The following HAPSTR1 variants were observed in gnomAD, a reference collection of about 807,000 sequenced individuals.
The protein encoded by HAPSTR1 is HUWE1-associated protein modifying stress responses 1.
chr16:9,095,223 T>C, the HAPSTR1 span, among the ~76,000 whole-genome samples: 1 of 152,210 alleles, frequency 6.6e-6, no homozygotes, highest in Non-Finnish European at 1.5e-5. Context: ...TTTTCTTATT[T>C]GATTCAAGGA....
At chr16:9,096,762 C>T in the HAPSTR1 span, among the ~76,000 whole-genome samples, 2 of 152,112 alleles carry the variant, frequency 1.3e-5, no homozygotes, top group African/African-American at 4.8e-5. Context: ...ACTTTTCATG[C>T]CTGTAATCCC....
chr16:9,101,742 A>ATT, the HAPSTR1 span, among the ~76,000 whole-genome samples: 3 of 140,220 alleles, frequency 2.1e-5, no homozygotes, highest in East Asian at 2.1e-4. Flanking sequence ...TGTCTGGATG[A>ATT]TTTTTTTTTT....
At chr16:9,099,063 A>C in the HAPSTR1 span, among the ~76,000 whole-genome samples, 1 of 151,832 alleles carries the variant, frequency 6.6e-6, no homozygotes, top group Non-Finnish European at 1.5e-5. Context: ...CCCCCACCCC[A>C]GCCCGTTGTG....
At chr16:9,093,838 GTTGA>G in the HAPSTR1 span, among the ~76,000 whole-genome samples, 1 of 151,524 alleles carries the variant, frequency 6.6e-6, no homozygotes, top group African/African-American at 2.4e-5. Flanking sequence ...GAAATTTGGG[GTTGA>G]TTTTTTTTTT....
chr16:9,109,808 G>A, the HAPSTR1 span: 1 of 151,858 alleles, frequency 6.6e-6, no homozygotes, highest in African/African-American at 2.4e-5. Context: ...TTTTTAAGCA[G>A]TACTTTGTGA....
the HAPSTR1 span, chr16:9,110,439 C>G: frequency 6.6e-6 from 1 of 152,102 alleles, no homozygotes; most frequent in Non-Finnish European, 1.5e-5. Context: ...CAGCCTAAAC[C>G]AGTAAGATTT....
chr16:9,116,977 A>C, the HAPSTR1 span: 6 of 1,582,504 alleles, frequency 3.8e-6, no homozygotes, highest in Non-Finnish European at 4.3e-6. Flanking sequence ...ATATACTATA[A>C]TTGCAAAGGA....
chr16:9,091,739 T>C, the HAPSTR1 span: 1 of 368,324 alleles, frequency 2.7e-6, no homozygotes, highest in Non-Finnish European at 4.7e-6. Flanking sequence ...CGCAGCGCCA[T>C]GGGGGGGCGT....
the HAPSTR1 span, chr16:9,108,657 G>A: frequency 6.6e-6 from 1 of 152,142 alleles, no homozygotes; most frequent in African/African-American, 2.4e-5. Context: ...CTCTTTCTGA[G>A]GTTTTCCCCA....
At chr16:9,121,415 C>T in the HAPSTR1 span, 2 of 152,158 alleles carry the variant, frequency 1.3e-5, no homozygotes, top group Non-Finnish European at 2.9e-5. Context: ...ACATCGTAGC[C>T]AGTGTTGGGT....
the HAPSTR1 span, chr16:9,117,638 T>C: frequency 6.6e-6 from 1 of 152,640 alleles, no homozygotes; most frequent in Non-Finnish European, 1.5e-5. Flanking sequence ...AAGTACTCAG[T>C]TTTAAGACAA....
chr16:9,102,390 A>C, the HAPSTR1 span, among the ~76,000 whole-genome samples: 1 of 152,230 alleles, frequency 6.6e-6, no homozygotes, highest in African/African-American at 2.4e-5. Context: ...AGTCTAGGAG[A>C]TCTGTTGGGA....
the HAPSTR1 span, among the ~76,000 whole-genome samples, chr16:9,096,329 A>G: frequency 6.6e-6 from 1 of 151,936 alleles, no homozygotes; most frequent in East Asian, 1.9e-4. Flanking sequence ...ATAATAGTTT[A>G]TTTTCTGTCT....
the HAPSTR1 span, chr16:9,105,286 A>G: frequency 6.6e-6 from 1 of 152,248 alleles, no homozygotes; most frequent in Non-Finnish European, 1.5e-5. Flanking sequence ...TACCTTCAAT[A>G]AATTTATAAT....
the HAPSTR1 span, chr16:9,092,769 G>A: frequency 2.9e-5 from 24 of 819,636 alleles, no homozygotes; most frequent in Admixed American, 6.5e-4. Flanking sequence ...ACTGGGTTTG[G>A]GATCCCGAAA....
the HAPSTR1 span, among the ~76,000 whole-genome samples, chr16:9,101,085 C>A: frequency 6.6e-6 from 1 of 152,124 alleles, no homozygotes; most frequent in South Asian, 2.1e-4. Flanking sequence ...TACATTTATC[C>A]TTTATGTGGT....
At chr16:9,108,743 T>C in the HAPSTR1 span, 2 of 152,196 alleles carry the variant, frequency 1.3e-5, no homozygotes, top group East Asian at 1.9e-4. Flanking sequence ...GAAGAGTACA[T>C]AGTCTTTGTG....
At chr16:9,104,067 C>G in the HAPSTR1 span, 1 of 151,406 alleles carries the variant, frequency 6.6e-6, no homozygotes, top group African/African-American at 2.4e-5. Flanking sequence ...ATGGATCACG[C>G]AGATGGCTAA....
the HAPSTR1 span, chr16:9,119,536 A>C: frequency 7.2e-5 from 11 of 152,198 alleles, no homozygotes; most frequent in Admixed American, 6.5e-4. Flanking sequence ...CAGCGTTCTG[A>C]GCATGGCTGA....
Sources: allele counts gnomAD v4.1 joint callset (sites outside exome capture counted in the v4.1 genomes callset), GRCh38; gene constraint gnomAD v4.1.1; transcripts MANE v1.5; gene names NCBI Gene and HGNC (gene_info 2026-07-23, HGNC 2026-07-21).